Variants in NPAS3 observed in about 807,000 individuals in gnomAD.
NPAS3 encodes neuronal PAS domain-containing protein 3.
NPAS3 carries 14 observed loss-of-function variants against 73.1 expected under a neutral mutation model. The ratio of observed to expected loss-of-function variants is 0.19; its 90% CI spans 0.13 to 0.30. The LOEUF (loss-of-function observed/expected upper bound fraction) is 0.30, where lower values mean the gene tolerates loss of function less well. Ranked by LOEUF, NPAS3 falls within the 10% of genes least tolerant of loss-of-function variation. The pLI is 1.00. For missense variants in NPAS3, 1,096 were observed against 1,250.0 expected (o/e 0.88, Z 1.86); for synonymous variants, 620 against 541.5 (o/e 1.14, Z -2.01).
At chr14:33,652,665 A>G (rs188740882) in intron 5 of NPAS3, among the ~76,000 whole-genome samples, 549 of 152,330 alleles carry the variant, frequency 3.6e-3, no homozygotes, top group Middle Eastern at 6.8e-3. Flanking sequence ...TTCAGGCGCC[A>G]TGCCTTGGTT....
intron 3 of NPAS3, among the ~76,000 whole-genome samples, chr14:33,248,988 G>A (rs558673009): frequency 6.6e-6 from 1 of 152,112 alleles, no homozygotes; most frequent in Admixed American, 6.5e-5. Flanking sequence ...TTTAGAATTG[G>A]GCTTAAAGTA....
At chr14:33,490,341 A>G (rs575042159) in intron 4 of NPAS3, among the ~76,000 whole-genome samples, 16 of 152,298 alleles carry the variant, frequency 1.1e-4, no homozygotes, top group African/African-American at 2.9e-4. Context: ...TGTTTATGCC[A>G]TTTGAAATTA....
In NPAS3 at chr14:33,798,545, G is replaced by A. The variant is rs184913769; in HGVS notation, c.1426+964G>A. Among the ~76,000 whole-genome samples the A allele has an allele frequency of 3.8e-3, 577 of 152,196 alleles. 20 individuals are homozygous for A. The highest frequency in any genetic ancestry group is 6.8e-4 in the Non-Finnish European group (46 of 68,020). The stretch of plus-strand genomic sequence containing the variant: ...GTTCTTTCAAAAATGTGGCAGCTAG[G>A]TTTTCCTGACAACCCCCTTCTTGAG... On this transcript the variant is annotated intron_variant, in intron 11 of 11. Transcript: ENST00000356141.
At chr14:33,263,440 C>A (rs2049049019) in intron 3 of NPAS3, among the ~76,000 whole-genome samples, 1 of 152,068 alleles carries the variant, frequency 6.6e-6, no homozygotes, top group East Asian at 1.9e-4. Context: ...AGATGTGTGG[C>A]ATTATTTCTG....
chr14:33,135,560 A>T (rs756183381), intron 2 of NPAS3, among the ~76,000 whole-genome samples: 1 of 152,156 alleles, frequency 6.6e-6, no homozygotes, highest in Non-Finnish European at 1.5e-5. Flanking sequence ...ACATTTTATA[A>T]TAAGTCAAAA....
At chr14:33,750,246 A>G (rs576966481) in intron 7 of NPAS3, among the ~76,000 whole-genome samples, 2 of 150,584 alleles carry the variant, frequency 1.3e-5, no homozygotes, top group African/African-American at 2.4e-5. Flanking sequence ...CATCATTAGT[A>G]CTCTGTCATT....
intron 7 of NPAS3, among the ~76,000 whole-genome samples, chr14:33,749,896 T>G (rs2061909547): frequency 6.6e-6 from 1 of 152,190 alleles, no homozygotes; most frequent in Admixed American, 6.5e-5. Flanking sequence ...CTCCACACAG[T>G]GGTCCTCTTC....
intron 3 of NPAS3, among the ~76,000 whole-genome samples, chr14:33,226,552 G>A (rs955826864): frequency 1.3e-5 from 2 of 152,068 alleles, no homozygotes; most frequent in African/African-American, 2.4e-5. Context: ...TATATAAAAT[G>A]AATAAATGTG....
At chr14:33,293,568 G>C (rs2042181509) in intron 3 of NPAS3, among the ~76,000 whole-genome samples, 1 of 152,144 alleles carries the variant, frequency 6.6e-6, no homozygotes, top group South Asian at 2.1e-4. Context: ...TTTAAGAAGA[G>C]ATATTCAATA....
intron 2 of NPAS3, among the ~76,000 whole-genome samples, chr14:33,098,973 A>G (rs948756719): frequency 2.6e-5 from 4 of 152,222 alleles, no homozygotes; most frequent in African/African-American, 4.8e-5. Flanking sequence ...AACTTAGTCT[A>G]TGTTCCAGTA....
chr14:33,408,635 C>T (rs975956334), intron 4 of NPAS3, among the ~76,000 whole-genome samples: 4 of 152,092 alleles, frequency 2.6e-5, no homozygotes, highest in Non-Finnish European at 5.9e-5. Flanking sequence ...AAATGTAACT[C>T]GTGTTCTTAT....
chr14:33,560,848 G>A (rs1008700183), intron 5 of NPAS3, among the ~76,000 whole-genome samples: 2 of 152,162 alleles, frequency 1.3e-5, no homozygotes, highest in African/African-American at 2.4e-5. Flanking sequence ...GTTACTTCTC[G>A]ATATTCCCCT....
chr14:33,797,562 A>C (rs1351000036), exon 11 of NPAS3: 1 of 1,614,102 alleles, frequency 6.2e-7, no homozygotes, highest in East Asian at 2.2e-5. Flanking sequence ...CAGACTCTAA[A>C]GACACCTCAG....
chr14:33,614,666 T>G (rs2057858185), intron 5 of NPAS3, among the ~76,000 whole-genome samples: 1 of 152,214 alleles, frequency 6.6e-6, no homozygotes, highest in South Asian at 2.1e-4. Context: ...ATTTGTTGAC[T>G]ATTTAAAGGT....
chr14:33,548,954 A>G (rs369760943), intron 4 of NPAS3, among the ~76,000 whole-genome samples: 2 of 152,354 alleles, frequency 1.3e-5, no homozygotes, highest in East Asian at 3.9e-4. Context: ...GGACATGTAT[A>G]TGGTAGCATT....
At chr14:33,676,972 G>T (rs1420986617) in intron 6 of NPAS3, among the ~76,000 whole-genome samples, 2 of 152,082 alleles carry the variant, frequency 1.3e-5, no homozygotes, top group African/African-American at 4.8e-5. Context: ...ATTCCTCATT[G>T]GGATTCCTTC....
At chr14:32,968,956 G>T (rs1448546570) in intron 1 of NPAS3, among the ~76,000 whole-genome samples, 1 of 152,100 alleles carries the variant, frequency 6.6e-6, no homozygotes, top group Non-Finnish European at 1.5e-5. Context: ...AGGCCTCAGT[G>T]TGTGTTGTAC....
intron 4 of NPAS3, among the ~76,000 whole-genome samples, chr14:33,518,902 T>C (rs1304737391): frequency 6.6e-6 from 1 of 152,098 alleles, no homozygotes; most frequent in Admixed American, 6.5e-5. Flanking sequence ...ATTTTCAGGG[T>C]CTAGCCAATA....
chr14:33,626,072 G>C (rs775293181), intron 5 of NPAS3, among the ~76,000 whole-genome samples: 1 of 152,164 alleles, frequency 6.6e-6, no homozygotes, highest in Non-Finnish European at 1.5e-5. Context: ...CAGAACTTCT[G>C]ACTTCTACCC....
Sources: gnomAD v4.1 joint callset for allele counts (sites outside exome capture counted in the v4.1 genomes callset) on GRCh38, gnomAD v4.1.1 for gene constraint, MANE v1.5 for transcripts, NCBI Gene and HGNC (gene_info 2026-07-23, HGNC 2026-07-21) for gene names.